PARD3: variants seen among roughly 807,000 people sequenced by gnomAD.
PARD3 encodes the protein partitioning defective 3 homolog.
A neutral mutation model predicts 155.4 loss-of-function variants in PARD3; 75 were observed. That is an observed-to-expected ratio of 0.48 (90% CI 0.40 to 0.58). The LOEUF (loss-of-function observed/expected upper bound fraction) is 0.58. Among genes scored for constraint, PARD3 ranks in the 20% least tolerant of loss-of-function variants. The pLI is 0.00. For synonymous variants in PARD3, 576 were observed against 610.5 expected (o/e 0.94, Z 0.83); for missense variants, 1,642 against 1,721.7 (o/e 0.95, Z 0.82).
intron 14 of PARD3, among the ~76,000 whole-genome samples, chr10:34,355,935 A>AC (rs558419132): frequency 0.072 from 9,378 of 130,434 alleles, 550 homozygotes; most frequent in Non-Finnish European, 0.094. Flanking sequence ...AAAAAAAAAA[A>AC]AAAAAAAAAA....
chr10:34,696,514 A>C, intron 1 of PARD3, 95 bp from the exon 2 acceptor site: 1 of 793,348 alleles, frequency 1.3e-6, no homozygotes, highest in Non-Finnish European at 2.2e-6. Context: ...GCCCATAAAA[A>C]GGAATCAACC....
intron 2 of PARD3, among the ~76,000 whole-genome samples, chr10:34,656,485 T>C (rs2093169574): frequency 6.6e-6 from 1 of 152,212 alleles, no homozygotes; most frequent in South Asian, 2.1e-4. Context: ...AGCATAATTA[T>C]TACTTTTGAT....
intron 23 of PARD3, among the ~76,000 whole-genome samples, chr10:34,129,700 C>CTTTTTTTTTTTTTTTTTTTTTTTTTT (rs1209547388): frequency 2.3e-4 from 19 of 82,982 alleles, no homozygotes; most frequent in African/African-American, 8.8e-4. Flanking sequence ...TGTCAAGCCT[C>CTTTTTTTTTTTTTTTTTTTTTTTTTT]TTTTTTTTTT....
At chr10:34,596,066 T>A (rs2089221920) in intron 2 of PARD3, among the ~76,000 whole-genome samples, 1 of 152,188 alleles carries the variant, frequency 6.6e-6, no homozygotes, top group Non-Finnish European at 1.5e-5. Flanking sequence ...GTGGATACCA[T>A]ATTACTCTTT....
chr10:34,165,726 G>A (rs1301997325), intron 22 of PARD3, among the ~76,000 whole-genome samples: 6 of 152,118 alleles, frequency 3.9e-5, no homozygotes, highest in Admixed American at 6.5e-5. Context: ...TGACTAAAAC[G>A]TTAATTTTCC....
At chr10:34,586,244 C>A (rs1432268465) in intron 2 of PARD3, among the ~76,000 whole-genome samples, 2 of 152,060 alleles carry the variant, frequency 1.3e-5, no homozygotes, top group African/African-American at 2.4e-5. Flanking sequence ...TAATTATGTT[C>A]TTTGAAATAA....
At chr10:34,629,481 G>A (rs1041295338) in intron 2 of PARD3, among the ~76,000 whole-genome samples, 1 of 152,238 alleles carries the variant, frequency 6.6e-6, no homozygotes, top group African/African-American at 2.4e-5. Flanking sequence ...ACACGTTAAG[G>A]TCAATGAATC....
At chr10:34,112,905 G>A (rs772019990) in intron 24 of PARD3, among the ~76,000 whole-genome samples, 8 of 152,134 alleles carry the variant, frequency 5.3e-5, no homozygotes, top group Non-Finnish European at 1.0e-4. Flanking sequence ...TCTTTTAACG[G>A]AAGACTGCAC....
At chr10:34,546,641 T>C (rs1171680047) in intron 2 of PARD3, among the ~76,000 whole-genome samples, 18 of 151,942 alleles carry the variant, frequency 1.2e-4, no homozygotes. Context: ...ACTAGATGAA[T>C]ACACTTTTAT....
chr10:34,433,240 CA>C, intron 5 of PARD3, among the ~76,000 whole-genome samples: 1 of 152,136 alleles, frequency 6.6e-6, no homozygotes, highest in Non-Finnish European at 1.5e-5. Flanking sequence ...AAGTCAAAAG[CA>C]AAAACTTAAA....
intron 2 of PARD3, among the ~76,000 whole-genome samples, chr10:34,682,040 A>G (rs2093852837): frequency 1.3e-5 from 2 of 151,888 alleles, no homozygotes; most frequent in African/African-American, 4.8e-5. Context: ...TGAGGGCTAG[A>G]TGAAAGAAAA....
chr10:34,177,215 T>C (rs1374484701), intron 22 of PARD3, among the ~76,000 whole-genome samples: 3 of 152,146 alleles, frequency 2.0e-5, no homozygotes, highest in Non-Finnish European at 4.4e-5. Flanking sequence ...AAATATAAAA[T>C]ATTTCAAATT....
At chr10:34,653,231 G>A (rs943266531) in intron 2 of PARD3, among the ~76,000 whole-genome samples, 4 of 152,150 alleles carry the variant, frequency 2.6e-5, no homozygotes, top group Non-Finnish European at 5.9e-5. Context: ...GATAATATCT[G>A]AGAGTAGAAC....
chr10:34,259,223 T>A (rs1160682441), intron 22 of PARD3, among the ~76,000 whole-genome samples: 1 of 152,122 alleles, frequency 6.6e-6, no homozygotes, highest in African/African-American at 2.4e-5. Flanking sequence ...AAATACACGA[T>A]GGGTACTGCA....
chr10:34,667,240 A>G (rs1162193837), intron 2 of PARD3, among the ~76,000 whole-genome samples: 1 of 152,212 alleles, frequency 6.6e-6, no homozygotes, highest in East Asian at 1.9e-4. Context: ...ATTAAAATGA[A>G]CAAATCATCT....
intron 21 of PARD3, among the ~76,000 whole-genome samples, chr10:34,282,177 T>G (rs1333590825): frequency 6.6e-6 from 1 of 150,516 alleles, no homozygotes; most frequent in Non-Finnish European, 1.5e-5. Flanking sequence ...AATCCATAAG[T>G]TTAAATAAAA....
chr10:34,241,837 C>G (rs17462556), intron 22 of PARD3, among the ~76,000 whole-genome samples: 10,625 of 152,222 alleles, frequency 0.07, 514 homozygotes, highest in Non-Finnish European at 0.097. Context: ...AAATAGGCGT[C>G]ATCAGTACTT....
chr10:34,703,739 A>C (rs1193804624), intron 1 of PARD3, among the ~76,000 whole-genome samples: 2 of 152,128 alleles, frequency 1.3e-5, no homozygotes, highest in Non-Finnish European at 1.5e-5. Context: ...GGGAAGGAGA[A>C]CATCCAGAAA....
Position 34,616,442 on chromosome 10 carries a change from C to T in PARD3, c.222+79876G>A, listed in dbSNP as rs1158428245. On this transcript the variant is annotated intron_variant, in intron 2 of 24. Transcript: ENST00000374788. ...AATATCTGCGTTCCCATGTTCACTG[C>T]GGCCTTATTCACAATAGACAAAATA... is the stretch of plus-strand genomic sequence containing the variant. 3.9e-5 allele frequency among the ~76,000 whole-genome samples: 6 copies of T among 152,314 alleles called. No individual in the cohort carries two copies. In the East Asian group the frequency reaches 7.7e-4, roughly 20 times the overall value.
Sources: gnomAD v4.1 joint callset for allele counts (sites outside exome capture counted in the v4.1 genomes callset) on GRCh38, gnomAD v4.1.1 for gene constraint, MANE v1.5 for transcripts, NCBI Gene and HGNC (gene_info 2026-07-23, HGNC 2026-07-21) for gene names.